Variants in GRB14 observed in about 807,000 individuals in gnomAD.
The protein encoded by GRB14 is growth factor receptor-bound protein 14.
GRB14 carries 38 observed loss-of-function variants against 69.1 expected under a neutral mutation model. The observed-to-expected ratio is 0.55, with a 90% CI of 0.42 to 0.72. The LOEUF (loss-of-function observed/expected upper bound fraction) is 0.72. GRB14 is among the 30% of genes least tolerant of loss of function. GRB14 has a pLI of 0.00. For synonymous variants in GRB14, 247 were observed against 241.3 expected, an observed-to-expected ratio of 1.02 and a Z score of -0.22; for missense variants, 666 against 666.1, an observed-to-expected ratio of 1.00 and a Z score of 0.00.
Position 164,547,694 on chromosome 2 carries a change from C to A in GRB14, c.447G>T (p.Trp149Cys). The A allele has an allele frequency of 6.2e-7, 1 of 1,613,712 alleles. No homozygotes were observed. Among genetic ancestry groups the A allele is most frequent in the South Asian group, 1.1e-5 (1 of 91,032 alleles). ...LKNHYIDDHS[W>C]TLFEHLPHIG... The stretch of plus-strand genomic sequence containing the variant: ...TGTGAGGCAGGTGCTCAAAAAGGGT[C>A]CAGCTGTGGTCATCAATGTAATGAT... Residue 149 changes from tryptophan to cysteine, a missense_variant, in exon 3 of 14, where the codon TGG becomes TGT. Transcript: ENST00000263915.
chr2:164,573,318 C>T (rs907450386), intron 2 of GRB14, among the ~76,000 whole-genome samples: 6 of 152,142 alleles, frequency 3.9e-5, no homozygotes, highest in Non-Finnish European at 5.9e-5. Flanking sequence ...CTAGTCACTC[C>T]GGTTACATAG....
intron 2 of GRB14, among the ~76,000 whole-genome samples, chr2:164,605,985 G>A (rs1047430817): frequency 6.6e-6 from 1 of 152,152 alleles, no homozygotes; most frequent in Non-Finnish European, 1.5e-5. Flanking sequence ...TACAGCCTTT[G>A]CCATCTCAGG....
chr2:164,572,026 C>G (rs1423803277), intron 2 of GRB14, among the ~76,000 whole-genome samples: 2 of 152,172 alleles, frequency 1.3e-5, no homozygotes, highest in Non-Finnish European at 2.9e-5. Context: ...AAGTGCTGTG[C>G]TGTTTATTAT....
intron 6 of GRB14, among the ~76,000 whole-genome samples, chr2:164,512,133 A>G (rs1687355577): frequency 6.6e-6 from 1 of 152,084 alleles, no homozygotes; most frequent in African/African-American, 2.4e-5. Flanking sequence ...AACAACAGGT[A>G]GATTTCCAAG....
In GRB14 at chr2:164,621,467, C is replaced by T; in HGVS notation, c.-158G>A. 1 of 191,348 alleles carries T rather than the reference C, an allele frequency of 5.2e-6. No individual in the cohort carries two copies. Among genetic ancestry groups the T allele is most frequent in the Non-Finnish European group, 9.2e-6 (1 of 109,206 alleles). The allele number at this position is 191,348 out of a possible 1,614,324, so 11.9% of individuals were successfully genotyped here. A position where few individuals can be genotyped will look rare whatever the true frequency, so the allele number is the denominator to read the frequency against. ...TCGGGGCCCCGGCGGCTGAGACGCG[C>T]GGCCGAGCTATCTGCGAGGCGGCGG... is the stretch of plus-strand genomic sequence containing the variant. On this transcript the variant is annotated 5_prime_UTR_variant, in exon 1 of 14. Coordinates refer to ENST00000263915, the MANE Select transcript of GRB14 (RefSeq NM_004490.3). This position sits in a 1 kb window ranked among gnomAD's most constrained non-coding sequence, Gnocchi z 6.0.
At chr2:164,536,792 T>C (rs1688090422) in intron 3 of GRB14, among the ~76,000 whole-genome samples, 2 of 152,242 alleles carry the variant, frequency 1.3e-5, no homozygotes, top group African/African-American at 2.4e-5. Context: ...GTCTAGTTAA[T>C]TGATATTATA....
intron 2 of GRB14, among the ~76,000 whole-genome samples, chr2:164,552,190 G>A (rs79329766): frequency 5.9e-5 from 9 of 152,188 alleles, no homozygotes; most frequent in South Asian, 2.1e-4. Context: ...CAACATTGGC[G>A]ATCAAATTTC....
In GRB14 at chr2:164,525,055, T is replaced by A. The variant is rs776105738; in HGVS notation, c.627A>T (p.Val209=). 9 of 1,588,626 alleles carry A rather than the reference T, an allele frequency of 5.7e-6. No homozygotes were observed. Among genetic ancestry groups the A allele is most frequent in the Non-Finnish European group, 6.9e-6 (8 of 1,163,898 alleles). Residue 209 remains valine, a synonymous_variant, in exon 5 of 14, where the codon GTA becomes GTT. Transcript: ENST00000263915. ...CACCATTGGTTTCAGTTGCAAAAGATACCATATGCTCTGGAAAAAAATACT... is the reference window on the plus strand; with the variant it reads ...CACCATTGGTTTCAGTTGCAAAAGAAACCATATGCTCTGGAAAAAAATACT... The part of the protein sequence containing the change: ...NPMYFFPEHM[V]SFATETNGEI...
At chr2:164,607,789 C>T (rs896295163) in intron 2 of GRB14, among the ~76,000 whole-genome samples, 2 of 152,164 alleles carry the variant, frequency 1.3e-5, no homozygotes, top group Non-Finnish European at 2.9e-5. Flanking sequence ...CTTAAATGTA[C>T]TTTGTTCAAA....
intron 6 of GRB14, among the ~76,000 whole-genome samples, chr2:164,519,464 A>T (rs1404076743): frequency 1.3e-5 from 2 of 152,048 alleles, no homozygotes; most frequent in Non-Finnish European, 2.9e-5. Context: ...ATGGATGCTC[A>T]CTCTCACCGG....
At chr2:164,564,480 C>A (rs1429883266) in intron 2 of GRB14, among the ~76,000 whole-genome samples, 2 of 152,218 alleles carry the variant, frequency 1.3e-5, no homozygotes, top group African/African-American at 4.8e-5. Context: ...ATGATTATAA[C>A]ATGAACTATT....
intron 2 of GRB14, among the ~76,000 whole-genome samples, chr2:164,593,073 A>G (rs1335760297): frequency 6.6e-6 from 1 of 152,228 alleles, no homozygotes; most frequent in African/African-American, 2.4e-5. Context: ...GGCACCAAGA[A>G]ACCATTAAGC....
rs571396319 is a variant in GRB14, at chr2:164,496,589, A to G, written c.1382+419T>C. On this transcript the variant is annotated intron_variant, in intron 12 of 13. Transcript: ENST00000263915. Reference sequence around the variant, plus strand: ...TAAGAAACAGCTTTTTACTTAATACATGTTGCATCATACCTAAAAAAATAC... The same window carrying G: ...TAAGAAACAGCTTTTTACTTAATACGTGTTGCATCATACCTAAAAAAATAC... Among the ~76,000 whole-genome samples the G allele has an allele frequency of 2.0e-5, 3 of 151,966 alleles. No homozygotes were observed. The South Asian group carries it at 6.2e-4, about 32-fold the overall frequency.
At position 164,527,017 on chromosome 2, in the gene GRB14, T is replaced by C. The variant is rs1280738574; in HGVS notation, c.600A>G (p.Pro200=). 1 of 1,588,604 alleles carries C rather than the reference T, an allele frequency of 6.3e-7. No homozygotes were observed. Among genetic ancestry groups the C allele is most frequent in the Non-Finnish European group, 8.6e-7 (1 of 1,163,602 alleles). Residue 200 remains proline (P), a synonymous_variant, in exon 4 of 14, where the codon CCA becomes CCG. Coordinates refer to ENST00000263915, the MANE Select transcript of GRB14 (RefSeq NM_004490.3). ...TATTAGGAGGGATTTCACTTACCAT[T>C]GGGTTTTTAAAGAACTCATATTTGG... ...NYAKYEFFKN[P]MYFFPEHMVS... is the part of the protein sequence containing the mutation.
In GRB14 at chr2:164,527,030, A is replaced by T; in HGVS notation, c.587T>A (p.Phe196Tyr). Residue 196 changes from phenylalanine to tyrosine, a missense_variant, in exon 4 of 14, where the codon TTC becomes TAC. Transcript: ENST00000263915. ...YFRKNYAKYE[F>Y]FKNPMYFFPE... ...TTCACTTACCATTGGGTTTTTAAAG[A>T]ACTCATATTTGGCATAATTTTTTCT... The T allele has an allele frequency of 6.3e-7, 1 of 1,597,320 alleles. No homozygotes were observed. Among genetic ancestry groups the T allele is most frequent in the Non-Finnish European group, 8.6e-7 (1 of 1,168,818 alleles).
intron 4 of GRB14, among the ~76,000 whole-genome samples, chr2:164,526,296 C>T (rs1194764749): frequency 6.6e-6 from 1 of 151,980 alleles, no homozygotes; most frequent in East Asian, 1.9e-4. Context: ...TAAAAATATG[C>T]TTCAGCTGCA....
intron 2 of GRB14, among the ~76,000 whole-genome samples, chr2:164,548,104 T>TGTTC (rs906128320): frequency 5.3e-5 from 8 of 152,206 alleles, no homozygotes; most frequent in Admixed American, 5.2e-4. Context: ...GCTCTAGATG[T>TGTTC]GTTCATCCCA....
chr2:164,501,832 C>T (rs938978549), intron 9 of GRB14, among the ~76,000 whole-genome samples: 1 of 151,886 alleles, frequency 6.6e-6, no homozygotes, highest in African/African-American at 2.4e-5. Flanking sequence ...TAGATTGTGA[C>T]AATCCCAGAA....
chr2:164,582,002 T>C (rs531899715), intron 2 of GRB14, among the ~76,000 whole-genome samples: 1 of 152,370 alleles, frequency 6.6e-6, no homozygotes, highest in East Asian at 1.9e-4. Flanking sequence ...GACTCTCTTT[T>C]GTCCAGCTTA....
Sources: allele counts gnomAD v4.1 joint callset (sites outside exome capture counted in the v4.1 genomes callset), GRCh38; gene constraint gnomAD v4.1.1; non-coding constraint Gnocchi (gnomAD v3.1); transcripts MANE v1.5; gene names NCBI Gene and HGNC (gene_info 2026-07-23, HGNC 2026-07-21).